HIBCH: variants seen among roughly 807,000 people sequenced by gnomAD.
HIBCH encodes the protein 3-hydroxyisobutyryl-CoA hydrolase, mitochondrial.
HIBCH carries 50 observed loss-of-function variants against 58.2 expected under a neutral mutation model. That is an observed-to-expected ratio of 0.86 (90% CI 0.68 to 1.09). HIBCH has a LOEUF of 1.09. HIBCH is among the 50% of genes least tolerant of loss of function. The pLI, the probability that HIBCH is intolerant of heterozygous loss-of-function variation, is 0.00. For missense variants in HIBCH, 450 were observed against 449.7 expected (o/e 1.00, Z -0.01); for synonymous variants, 151 against 146.9 (o/e 1.03, Z -0.20).
At chr2:190,282,841 G>T (rs1220153189) in intron 6 of HIBCH, among the ~76,000 whole-genome samples, 1 of 68,552 alleles carries the variant, frequency 1.5e-5, no homozygotes, top group African/African-American at 5.0e-5. Context: ...TTACGAGAAG[G>T]CCAAAAAAAA....
chr2:190,262,563 C>T (rs1416979000), intron 6 of HIBCH, among the ~76,000 whole-genome samples: 1 of 152,250 alleles, frequency 6.6e-6, no homozygotes, highest in African/African-American at 2.4e-5. Flanking sequence ...CCTCCTAACA[C>T]TGCTGTCCCT....
chr2:190,285,349 G>A (rs1184523182), intron 6 of HIBCH, among the ~76,000 whole-genome samples: 1 of 152,082 alleles, frequency 6.6e-6, no homozygotes, highest in Non-Finnish European at 1.5e-5. Context: ...CACATTCACA[G>A]GGCAGCTCTT....
intron 6 of HIBCH, among the ~76,000 whole-genome samples, chr2:190,266,903 CCCA>C (rs1355463450): frequency 3.3e-5 from 5 of 150,368 alleles, no homozygotes; most frequent in East Asian, 2.0e-4. Context: ...ACTTCAGGCG[CCCA>C]CCACCACACC....
chr2:190,283,755 G>T (rs538288683), intron 6 of HIBCH, among the ~76,000 whole-genome samples: 1 of 152,214 alleles, frequency 6.6e-6, no homozygotes, highest in South Asian at 2.1e-4. Flanking sequence ...TATTTTTAAG[G>T]GAGCTGATAA....
intron 6 of HIBCH, among the ~76,000 whole-genome samples, chr2:190,267,604 G>A (rs1687278822): frequency 6.6e-6 from 1 of 152,162 alleles, no homozygotes. Context: ...GTGCCATATT[G>A]TTCACTATGG....
intron 6 of HIBCH, among the ~76,000 whole-genome samples, chr2:190,276,964 T>C (rs912515985): frequency 1.3e-5 from 2 of 152,216 alleles, no homozygotes; most frequent in Non-Finnish European, 2.9e-5. Context: ...GGAGCTTATG[T>C]TGAGAAAAAA....
In HIBCH at chr2:190,216,635, GA is replaced by G. The variant is rs1273276429; in HGVS notation, c.892-3561del. Among the ~76,000 whole-genome samples the G allele has an allele frequency of 6.6e-6, 1 of 152,184 alleles. No individual in the cohort carries two copies. Among genetic ancestry groups the G allele is most frequent in the Non-Finnish European group, 1.5e-5 (1 of 68,022 alleles). On this transcript the variant is annotated intron_variant, in intron 11 of 13. Coordinates refer to ENST00000359678, the MANE Select transcript of HIBCH (RefSeq NM_014362.4). The surrounding 1 kb of genome is among the most constrained non-coding windows in gnomAD (Gnocchi z 4.2). ...AAACTGTCTGCTTTGTCAGAGGCCAGAATTCTTTTTATCTAAAATGGGATTT... is the reference window on the plus strand; with the variant it reads ...AAACTGTCTGCTTTGTCAGAGGCCAGATTCTTTTTATCTAAAATGGGATTT...
At chr2:190,195,371 A>G (rs1359117686) in intron 1 of HIBCH, among the ~76,000 whole-genome samples, 1 of 152,190 alleles carries the variant, frequency 6.6e-6, no homozygotes. Flanking sequence ...TACAGTAAGA[A>G]TGTTTCACTT....
intron 11 of HIBCH, among the ~76,000 whole-genome samples, chr2:190,231,616 T>G (rs1299507672): frequency 6.6e-6 from 1 of 152,008 alleles, no homozygotes; most frequent in African/African-American, 2.4e-5. Flanking sequence ...CCCTTAAGAC[T>G]GGGAATAAGA....
downstream of HIBCH, chr2:190,199,881 G>A (rs758584833): frequency 6.2e-6 from 10 of 1,613,748 alleles, no homozygotes; most frequent in Middle Eastern, 1.7e-4. Context: ...TGAAATCAAA[G>A]CAAACTTTCC....
At chr2:190,287,328 C>G (rs530234336) in intron 6 of HIBCH, among the ~76,000 whole-genome samples, 4 of 152,268 alleles carry the variant, frequency 2.6e-5, no homozygotes, top group African/African-American at 9.6e-5. Flanking sequence ...TCCCAAACTG[C>G]TGGGATTACA....
At chr2:190,273,677 A>T (rs1254645932) in intron 6 of HIBCH, among the ~76,000 whole-genome samples, 1 of 148,318 alleles carries the variant, frequency 6.7e-6, no homozygotes, top group Non-Finnish European at 1.5e-5. Context: ...TCTTAAAGAA[A>T]GCTCCTTTCA....
downstream of HIBCH, chr2:190,199,871 T>G: frequency 6.2e-7 from 1 of 1,613,618 alleles, no homozygotes; most frequent in Non-Finnish European, 8.5e-7. Context: ...ATGGGCTGCA[T>G]GAAATCAAAG....
intron 11 of HIBCH, among the ~76,000 whole-genome samples, chr2:190,227,870 G>C (rs1207594229): frequency 6.6e-6 from 1 of 151,998 alleles, no homozygotes; most frequent in African/African-American, 2.4e-5. Flanking sequence ...ACTCATACCA[G>C]TTAGAACGAC....
chr2:190,242,048 T>A (rs1686470286), intron 11 of HIBCH, among the ~76,000 whole-genome samples: 1 of 152,180 alleles, frequency 6.6e-6, no homozygotes, highest in African/African-American at 2.4e-5. Flanking sequence ...CACAATATCC[T>A]GAAGTGTGTT....
exon 2 of HIBCH, chr2:190,189,868 G>A (rs1689632081): frequency 6.6e-6 from 1 of 152,210 alleles, no homozygotes; most frequent in South Asian, 2.1e-4. Context: ...TTGCTCTTCG[G>A]TAGGCCCAGA....
intron 1 of HIBCH, among the ~76,000 whole-genome samples, chr2:190,194,113 A>C (rs1689850570): frequency 6.6e-6 from 1 of 152,174 alleles, no homozygotes. Context: ...TGGGGTGGTT[A>C]GAAATTGTAC....
chr2:190,259,261 A>C (rs952753306), intron 7 of HIBCH, among the ~76,000 whole-genome samples: 2 of 145,254 alleles, frequency 1.4e-5, no homozygotes, highest in Non-Finnish European at 1.5e-5. Context: ...ATATCTTTTT[A>C]TTTATTTGTG....
At chr2:190,307,399 T>C (rs570494422) in intron 2 of HIBCH, among the ~76,000 whole-genome samples, 2 of 152,334 alleles carry the variant, frequency 1.3e-5, no homozygotes, top group African/African-American at 4.8e-5. Context: ...TAGACCAGCA[T>C]GGTGGCTCAC....
Sources: gnomAD v4.1 joint callset for allele counts (sites outside exome capture counted in the v4.1 genomes callset) on GRCh38, gnomAD v4.1.1 for gene constraint, Gnocchi (gnomAD v3.1) non-coding constraint, MANE v1.5 for transcripts, NCBI Gene and HGNC (gene_info 2026-07-23, HGNC 2026-07-21) for gene names.